The following CLK4 variants were observed in gnomAD, a reference collection of about 807,000 sequenced individuals.
CLK4 encodes the protein dual specificity protein kinase CLK4.
Under a neutral mutation model 64.4 loss-of-function variants are expected in CLK4, and 37 were observed. The ratio of observed to expected loss-of-function variants is 0.57; its 90% CI spans 0.44 to 0.76. The LOEUF is 0.76. CLK4 is among the 30% of genes least tolerant of loss of function. The probability of loss-of-function intolerance (pLI) is 0.00; values close to 1 mark genes in which losing one functional copy is unlikely to be tolerated. For missense variants in CLK4, 457 were observed against 605.1 expected (o/e 0.76, Z 2.57); for synonymous variants, 175 against 191.6 (o/e 0.91, Z 0.72).
chr5:178,612,478 T>C lies in CLK4; in HGVS notation c.989A>G (p.Asp330Gly). The change falls in exon 9 of 13, where the codon GAT (aspartate) becomes GGT (glycine). Residue 330 changes from aspartate (D) to glycine (G), a missense_variant. Coordinates refer to ENST00000316308, the MANE Select transcript of CLK4 (RefSeq NM_020666.3). ...KVVDFGSATY[D>G]DEHHSTLVST... is the part of the protein sequence containing the mutation. Reference sequence around the variant, plus strand: ...CACCAAAGTACTGTGATGTTCATCATCATACGTTGCACTTCCAAAGTCAAC... The same window carrying C: ...CACCAAAGTACTGTGATGTTCATCACCATACGTTGCACTTCCAAAGTCAAC... 1 of 1,614,120 alleles carries C rather than the reference T, an allele frequency of 6.2e-7. No individual in the cohort carries two copies. Among genetic ancestry groups the C allele is most frequent in the Non-Finnish European group, 8.5e-7 (1 of 1,179,970 alleles).
At chr5:178,604,115 A>G in intron 11 of CLK4, 181 bp from the exon 12 acceptor site, 1 of 431,474 alleles carries the variant, frequency 2.3e-6, no homozygotes, top group Non-Finnish European at 4.1e-6. Context: ...CATATCCTCC[A>G]CCCTGTGAGG....
At chr5:178,614,482 G>A (rs1764600788) in intron 5 of CLK4, among the ~76,000 whole-genome samples, 1 of 152,160 alleles carries the variant, frequency 6.6e-6, no homozygotes, top group Admixed American at 6.5e-5. Context: ...TTTAGACTGC[G>A]GCATCTGTAA....
intron 1 of CLK4, among the ~76,000 whole-genome samples, chr5:178,623,765 G>A (rs535940437): frequency 6.6e-6 from 1 of 151,916 alleles, no homozygotes; most frequent in Admixed American, 6.6e-5. Flanking sequence ...AAATAAAAAG[G>A]TTCAGGCCTA....
chr5:178,618,710 C>T lies in CLK4; in HGVS notation c.230G>A (p.Arg77Lys). 1 of 1,613,942 alleles carries T rather than the reference C, an allele frequency of 6.2e-7. No individual in the cohort carries two copies. Among genetic ancestry groups the T allele is most frequent in the Non-Finnish European group, 8.5e-7 (1 of 1,179,908 alleles). ...YRDRRYVDEYRNDYCEGYVPR... is the reference protein window; with the variant it reads ...YRDRRYVDEYKNDYCEGYVPR... ...AACATATCCTTCACAGTAGTCATTC[C>T]TGTATTCGTCAACGTATCTCCGGTC... Residue 77 changes from arginine to lysine, a missense_variant, in exon 3 of 13, where the codon AGG (arginine) becomes AAG (lysine). Coordinates refer to ENST00000316308, the MANE Select transcript of CLK4 (RefSeq NM_020666.3).
At chr5:178,607,802 G>A (rs180827344) in intron 10 of CLK4, among the ~76,000 whole-genome samples, 79 of 151,348 alleles carry the variant, frequency 5.2e-4, no homozygotes, top group African/African-American at 1.8e-3. Flanking sequence ...GAGCTACCCC[G>A]CCTGGCCCTC....
rs201782461 is a variant in CLK4, at chr5:178,613,558, G to A, written c.741C>T (p.Tyr247=). 5 of 1,612,020 alleles carry A rather than the reference G, an allele frequency of 3.1e-6. No individual in the cohort carries two copies. Among genetic ancestry groups the A allele is most frequent in the Admixed American group, 1.7e-5 (1 of 59,512 alleles). ...GAAAGCTGTTTTCTTTAATGAAATCGTAAGTACTAAGTCCCAGTAGTTCAA... is the reference window on the plus strand; with the variant it reads ...GAAAGCTGTTTTCTTTAATGAAATCATAAGTACTAAGTCCCAGTAGTTCAA... ...IVFELLGLST[Y]DFIKENSFLP... The change falls in exon 7 of 13, where the codon TAC becomes TAT. Residue 247 remains tyrosine (Y), a synonymous_variant. Transcript: ENST00000316308.
chr5:178,623,166 A>C (rs1764731727), intron 2 of CLK4, 90 bp downstream of exon 2: 5 of 1,241,804 alleles, frequency 4.0e-6, no homozygotes, highest in Non-Finnish European at 5.8e-6. Context: ...GAATTATAAA[A>C]CAATTTGACA....
chr5:178,613,508 C>T lies in CLK4; in HGVS notation c.791G>A (p.Arg264Lys). ...CTGGCAGATCTGATACGCCATCTGC[C>T]TGATGTGGTCAATTTGAAATGGCAG... ...SFLPFQIDHI[R>K]QMAYQICQSI... Residue 264 changes from arginine (R) to lysine (K), a missense_variant, in exon 7 of 13, where the codon AGG becomes AAG. Coordinates refer to ENST00000316308, the MANE Select transcript of CLK4 (RefSeq NM_020666.3). 1.2e-6 allele frequency: 2 copies of T among 1,608,750 alleles called. No individual in the cohort carries two copies. Among genetic ancestry groups the T allele is most frequent in the Non-Finnish European group, 1.7e-6 (2 of 1,178,042 alleles).
At chr5:178,625,606 T>C (rs1376418386) in intron 1 of CLK4, among the ~76,000 whole-genome samples, 5 of 152,172 alleles carry the variant, frequency 3.3e-5, no homozygotes, top group Non-Finnish European at 7.4e-5. Flanking sequence ...CCTCCATTAC[T>C]ATGAAGTTTT....
rs1395824549 is a variant in CLK4, at chr5:178,612,524, T to C, written c.943A>G (p.Lys315Glu). Residue 315 changes from lysine to glutamate, a missense_variant, in exon 9 of 13, where the codon AAA (lysine) becomes GAA (glutamate). By Grantham distance (56) the Lys-to-Glu change is moderately conservative. Coordinates refer to ENST00000316308, the MANE Select transcript of CLK4 (RefSeq NM_020666.3). ...SKMKRDERTLKNTDIKVVDFG... is the reference protein window; with the variant it reads ...SKMKRDERTLENTDIKVVDFG... ...TCAACAACTTTGATATCTGTGTTTT[T>C]CAGTGTGCGTTCATCACGTTTCTAG... 2 of 1,614,140 alleles carry C rather than the reference T, an allele frequency of 1.2e-6. No homozygotes were observed. Among genetic ancestry groups the C allele is most frequent in the South Asian group, 1.1e-5 (1 of 91,072 alleles).
intron 9 of CLK4, among the ~76,000 whole-genome samples, chr5:178,611,310 A>C (rs1188050816): frequency 6.6e-6 from 1 of 152,090 alleles, no homozygotes; most frequent in Non-Finnish European, 1.5e-5. Context: ...AGCTCCTTTC[A>C]ATTTGTACTA....
chr5:178,603,004 T>A lies in CLK4; in HGVS notation c.*613A>T, dbSNP rs532091576. ...ATTTTAATCTTAAATAAAGTGTGTA[T>A]GTGGTTTTATTAAACAAACTGTCAC... On this transcript the variant is annotated 3_prime_UTR_variant, in exon 13 of 13. Coordinates refer to ENST00000316308, the MANE Select transcript of CLK4 (RefSeq NM_020666.3). The A allele has an allele frequency of 1.3e-5, 2 of 152,466 alleles. No homozygotes were observed. The highest frequency in any genetic ancestry group is 1.9e-4 in the East Asian group (1 of 5,192). 9.4% of individuals were successfully genotyped at this position (152,466 alleles called of 1,614,324 possible). A position where few individuals can be genotyped will look rare whatever the true frequency, so the allele number is the denominator to read the frequency against.
intron 9 of CLK4, among the ~76,000 whole-genome samples, chr5:178,609,575 T>C (rs1295099833): frequency 6.6e-6 from 1 of 151,846 alleles, no homozygotes; most frequent in African/African-American, 2.4e-5. Flanking sequence ...CCCAGTGACT[T>C]GGGAGGCTGA....
At chr5:178,625,504 A>G (rs1764766984) in intron 1 of CLK4, among the ~76,000 whole-genome samples, 1 of 152,062 alleles carries the variant, frequency 6.6e-6, no homozygotes, top group Non-Finnish European at 1.5e-5. Context: ...CCAAAGTTGT[A>G]TTTTAACCAC....
At chr5:178,625,302 G>T (rs1764763086) in intron 1 of CLK4, among the ~76,000 whole-genome samples, 1 of 151,800 alleles carries the variant, frequency 6.6e-6, no homozygotes, top group African/African-American at 2.4e-5. Flanking sequence ...GCCGCACATG[G>T]TGACTCGAGC....
At position 178,612,555 on chromosome 5, in the gene CLK4, C is replaced by A; in HGVS notation, c.922-10G>T. 2 of 1,612,760 alleles carry A rather than the reference C, an allele frequency of 1.2e-6. No individual in the cohort carries two copies. The highest frequency in any genetic ancestry group is 1.7e-6 in the Non-Finnish European group (2 of 1,179,304). On this transcript the variant is annotated splice_polypyrimidine_tract_variant and intron_variant, in intron 8 of 12. Coordinates refer to ENST00000316308, the MANE Select transcript of CLK4 (RefSeq NM_020666.3). ...TGCGTTCATCACGTTTCTAGAGAGA[C>A]ACAGTTGAGTAAACATGAAACTCAA...
chr5:178,613,598 T>C lies in CLK4; in HGVS notation c.701A>G (p.His234Arg). 1.9e-6 allele frequency: 3 copies of C among 1,610,242 alleles called. No homozygotes were observed. The highest frequency in any genetic ancestry group is 2.5e-6 in the Non-Finnish European group (3 of 1,178,992). Residue 234 changes from histidine (H) to arginine (R), a missense_variant, in exon 7 of 13, where the codon CAT becomes CGT. Coordinates refer to ENST00000316308, the MANE Select transcript of CLK4 (RefSeq NM_020666.3). ...QMLEWFDHHG[H>R]VCIVFELLGL... The stretch of plus-strand genomic sequence containing the variant: ...CAGTAGTTCAAACACAATACAAACA[T>C]GACCATGATGATCAAACCATTCTAG...
In CLK4 at chr5:178,617,023, A is replaced by G; in HGVS notation, c.476-75T>C. On this transcript the variant is annotated intron_variant, in intron 4 of 12. Coordinates refer to ENST00000316308, the MANE Select transcript of CLK4 (RefSeq NM_020666.3). This position sits in a 1 kb window ranked among gnomAD's most constrained non-coding sequence, Gnocchi z 5.2. ...TAGTTCTTCAAACAATGAATGCTTA[A>G]GTGTGGAATATTTTCAAATGATCTC... 1.0e-6 allele frequency: 1 copy of G among 972,552 alleles called. No homozygotes were observed. Among genetic ancestry groups the G allele is most frequent in the Non-Finnish European group, 1.6e-6 (1 of 612,554 alleles). The allele number at this position is 972,552 out of a possible 1,614,324, so 60.2% of individuals were successfully genotyped here. A position where few individuals can be genotyped will look rare whatever the true frequency, so the allele number is the denominator to read the frequency against.
intron 5 of CLK4, 147 bp from the exon 6 acceptor site, chr5:178,613,990 ATCT>A (rs1562128763): frequency 8.6e-6 from 5 of 584,378 alleles, no homozygotes; most frequent in Admixed American, 3.2e-5. Context: ...TCCATATAAC[ATCT>A]TCTTAAAACA....
Sources: allele counts gnomAD v4.1 joint callset (sites outside exome capture counted in the v4.1 genomes callset), GRCh38; gene constraint gnomAD v4.1.1; non-coding constraint Gnocchi (gnomAD v3.1); transcripts MANE v1.5; gene names NCBI Gene and HGNC (gene_info 2026-07-23, HGNC 2026-07-21).